Variants in MRGBP observed in about 807,000 individuals in gnomAD.
MRGBP encodes the protein MRG domain binding protein.
Under a neutral mutation model 21.5 loss-of-function variants are expected in MRGBP, and 5 were observed. The ratio of observed to expected loss-of-function variants is 0.23; its 90% CI spans 0.12 to 0.49. The LOEUF is 0.49. Among genes scored for constraint, MRGBP ranks in the 20% least tolerant of loss-of-function variants. The pLI is 0.98. For synonymous variants in MRGBP, 118 were observed against 104.4 expected (o/e 1.13, Z -0.79); for missense variants, 227 against 277.4 (o/e 0.82, Z 1.29).
At position 62,799,950 on chromosome 20, in the gene MRGBP, A is replaced by G. The variant is rs1990421978; in HGVS notation, c.*307A>G. ...GGCTTCCCCGTGGCTGCTTGGTGACATGGATTAGCGCTACGTGGGCTGCAG... is the reference window on the plus strand; with the variant it reads ...GGCTTCCCCGTGGCTGCTTGGTGACGTGGATTAGCGCTACGTGGGCTGCAG... On this transcript the variant is annotated 3_prime_UTR_variant, in exon 5 of 5. Transcript: ENST00000370487. 3 of 328,258 alleles carry G rather than the reference A, an allele frequency of 9.1e-6. No individual in the cohort carries two copies. The highest frequency in any genetic ancestry group is 4.9e-5 in the East Asian group (1 of 20,226). The allele number at this position is 328,258 out of a possible 1,614,324, so 20.3% of individuals were successfully genotyped here.
rs1430489572 is a variant in MRGBP at position 62,800,318 on chromosome 20, G to C, written c.*675G>C. ...AATTTTTAAGAAGCCTATTTTACTA[G>C]TGTTTTATATGAACAAAGTACTGCA... On this transcript the variant is annotated 3_prime_UTR_variant, in exon 5 of 5. Coordinates refer to ENST00000370487, the MANE Select transcript of MRGBP (RefSeq NM_018270.6). 6.6e-6 allele frequency: 1 copy of C among 152,534 alleles called. No individual in the cohort carries two copies. The highest frequency in any genetic ancestry group is 2.4e-5 in the African/African-American group (1 of 41,434). 9.4% of individuals were successfully genotyped at this position (152,534 alleles called of 1,614,324 possible).
In MRGBP at chr20:62,799,837, G is replaced by A. The variant is rs771060065; in HGVS notation, c.*194G>A. 1.7e-6 allele frequency: 1 copy of A among 589,766 alleles called. No homozygotes were observed. Among genetic ancestry groups the A allele is most frequent in the Non-Finnish European group, 2.9e-6 (1 of 340,186 alleles). 36.5% of individuals were successfully genotyped at this position (589,766 alleles called of 1,614,324 possible). On this transcript the variant is annotated 3_prime_UTR_variant, in exon 5 of 5. Transcript: ENST00000370487. ...CGTGTGTGTCAGTTGGACCATGTGG[G>A]ACCCTGATGGACCTGAAAGACCAGG... is the stretch of plus-strand genomic sequence containing the variant.
At chr20:62,799,192 C>A in intron 4 of MRGBP, 143 bp downstream of exon 4, 1 of 897,228 alleles carries the variant, frequency 1.1e-6, no homozygotes, top group Non-Finnish European at 1.7e-6. Context: ...ATGGATCCTG[C>A]AGTGCCCCCT....
rs1353807550 is a variant in MRGBP, at chr20:62,796,597, C to G, written c.74C>G (p.Ala25Gly). The change falls in exon 1 of 5, where the codon GCG becomes GGG. Residue 25 changes from alanine (A) to glycine (G), a missense_variant. Around this residue, in one of 2 missense-constraint regions of MRGBP, gnomAD observed 65 missense variants for 49.7 expected, o/e 1.31. Coordinates refer to ENST00000370487, the MANE Select transcript of MRGBP (RefSeq NM_018270.6). ...CCGGGGGAGGCGGCCACCAGCCCGGCGGAGGAGACAGTGGTGTGGAGCCCC... is the reference window on the plus strand; with the variant it reads ...CCGGGGGAGGCGGCCACCAGCCCGGGGGAGGAGACAGTGGTGTGGAGCCCC... ...KGPGEAATSP[A>G]EETVVWSPEV... is the part of the protein sequence containing the mutation. The G allele has an allele frequency of 1.6e-6, 2 of 1,287,258 alleles. No homozygotes were observed. The highest frequency in any genetic ancestry group is 4.4e-5 in the South Asian group (2 of 45,040). 79.7% of individuals were successfully genotyped at this position (1,287,258 alleles called of 1,614,324 possible). A position where few individuals can be genotyped will look rare whatever the true frequency, so the allele number is the denominator to read the frequency against.
rs1446381458 is a variant in MRGBP at position 62,800,914 on chromosome 20, C to G, written c.*1271C>G. On this transcript the variant is annotated 3_prime_UTR_variant, in exon 5 of 5. Transcript: ENST00000370487. ...GGGTCACAGAGTGAAATCCAGCGTTCCGTGTGCGGACGAGGAGACAAGCTG... is the reference window on the plus strand; with the variant it reads ...GGGTCACAGAGTGAAATCCAGCGTTGCGTGTGCGGACGAGGAGACAAGCTG... 6.6e-6 allele frequency: 1 copy of G among 152,160 alleles called. No homozygotes were observed. Among genetic ancestry groups the G allele is most frequent in the Non-Finnish European group, 1.5e-5 (1 of 68,036 alleles). 9.4% of individuals were successfully genotyped at this position (152,160 alleles called of 1,614,324 possible). A position where few individuals can be genotyped will look rare whatever the true frequency, so the allele number is the denominator to read the frequency against.
chr20:62,797,373 C>G, intron 2 of MRGBP, 142 bp downstream of exon 2: 1 of 1,185,498 alleles, frequency 8.4e-7, no homozygotes, highest in Non-Finnish European at 1.1e-6. Context: ...TCCATGCCTG[C>G]TGGGGTCTGC....
chr20:62,797,336 G>T, intron 2 of MRGBP, 105 bp downstream of exon 2: 1 of 1,414,536 alleles, frequency 7.1e-7, no homozygotes, highest in South Asian at 1.5e-5. Flanking sequence ...ATGTCTGCTG[G>T]GGTCTGCTGG....
intron 2 of MRGBP, 138 bp downstream of exon 2, chr20:62,797,369 C>T (rs886254028): frequency 4.1e-6 from 5 of 1,208,832 alleles, no homozygotes; most frequent in Non-Finnish European, 5.5e-6. Flanking sequence ...CCCCTCCATG[C>T]CTGCTGGGGT....
At chr20:62,798,313 C>T (rs6062366) in intron 2 of MRGBP, among the ~76,000 whole-genome samples, 1 of 152,222 alleles carries the variant, frequency 6.6e-6, no homozygotes, top group Non-Finnish European at 1.5e-5. Context: ...CAGGGCCCGC[C>T]TTAGTGATGC....
intron 2 of MRGBP, among the ~76,000 whole-genome samples, chr20:62,798,339 T>C (rs2147175000): frequency 6.6e-6 from 1 of 152,320 alleles, no homozygotes; most frequent in South Asian, 2.1e-4. Flanking sequence ...CCGGTGGGTC[T>C]TCCTGACTCC....
intron 2 of MRGBP, 148 bp downstream of exon 2, chr20:62,797,379 T>C: frequency 8.7e-7 from 1 of 1,147,014 alleles, no homozygotes; most frequent in Non-Finnish European, 1.2e-6. Context: ...CCTGCTGGGG[T>C]CTGCAGTGAG....
chr20:62,798,643 A>G lies in MRGBP; in HGVS notation c.327A>G (p.Glu109=), dbSNP rs371948410. ...CAGAGAGGAACTTCGTCCTTCCAGAAGAGATCATTCAGGAGGTCCGAGAAG... is the reference window on the plus strand; with the variant it reads ...CAGAGAGGAACTTCGTCCTTCCAGAGGAGATCATTCAGGAGGTCCGAGAAG... ...PNPERNFVLP[E]EIIQEVREGK... Residue 109 remains glutamate, a synonymous_variant, in exon 3 of 5, where the codon GAA becomes GAG. Coordinates refer to ENST00000370487, the MANE Select transcript of MRGBP (RefSeq NM_018270.6). 6.2e-7 allele frequency: 1 copy of G among 1,612,846 alleles called. No individual in the cohort carries two copies. The highest frequency in any genetic ancestry group is 2.2e-5 in the East Asian group (1 of 44,846).
chr20:62,798,653 C>G lies in MRGBP; in HGVS notation c.337C>G (p.Gln113Glu). 1 of 1,613,798 alleles carries G rather than the reference C, an allele frequency of 6.2e-7. No homozygotes were observed. The highest frequency in any genetic ancestry group is 8.5e-7 in the Non-Finnish European group (1 of 1,179,892). ...CTTCGTCCTTCCAGAAGAGATCATT[C>G]AGGAGGTCCGAGAAGGTGAGGCTCG... ...RNFVLPEEII[Q>E]EVREGKVMIE... Residue 113 changes from glutamine (Q) to glutamate (E), a missense_variant, in exon 3 of 5, where the codon CAG becomes GAG. Transcript: ENST00000370487.
In MRGBP at chr20:62,800,749, T is replaced by C. The variant is rs1990441735; in HGVS notation, c.*1106T>C. On this transcript the variant is annotated 3_prime_UTR_variant, in exon 5 of 5. Transcript: ENST00000370487. ...AAACAAAATAGTAACAGATTCTGAG[T>C]GGTTATTTTGTGGACTGTGACAAGC... 6.6e-6 allele frequency: 1 copy of C among 152,196 alleles called. No homozygotes were observed. The highest frequency in any genetic ancestry group is 1.5e-5 in the Non-Finnish European group (1 of 68,040). 9.4% of individuals were successfully genotyped at this position (152,196 alleles called of 1,614,324 possible).
chr20:62,798,566 A>G, intron 2 of MRGBP, 21 bp from the exon 3 acceptor site: 1 of 1,606,010 alleles, frequency 6.2e-7, no homozygotes, highest in Non-Finnish European at 8.5e-7. Context: ...TTCTTAAACA[A>G]AACTCTCTAT....
At chr20:62,798,459 C>T (rs1376997177) in intron 2 of MRGBP, 128 bp from the exon 3 acceptor site, 4 of 744,342 alleles carry the variant, frequency 5.4e-6, no homozygotes, top group South Asian at 1.5e-5. Flanking sequence ...CCCCGCCCGC[C>T]GCAGCCTCCA....
intron 2 of MRGBP, among the ~76,000 whole-genome samples, chr20:62,797,484 G>T (rs945595796): frequency 2.0e-5 from 3 of 152,224 alleles, no homozygotes; most frequent in Admixed American, 6.5e-5. Flanking sequence ...CCTTAAGGAG[G>T]ACATCCCGGG....
chr20:62,796,801 C>A, intron 1 of MRGBP, 130 bp downstream of exon 1: 8 of 969,306 alleles, frequency 8.3e-6, no homozygotes, highest in Non-Finnish European at 9.0e-6. Flanking sequence ...CGCCGCCACA[C>A]CCGTCCCGGG....
At chr20:62,798,702 G>A (rs6011385) in intron 3 of MRGBP, 34 bp downstream of exon 3, 3 of 1,609,412 alleles carry the variant, frequency 1.9e-6, no homozygotes, top group South Asian at 2.2e-5. Flanking sequence ...TTGGGATTCA[G>A]AAAAGGCCAG....
Sources: allele counts gnomAD v4.1 joint callset (sites outside exome capture counted in the v4.1 genomes callset), GRCh38; gene constraint gnomAD v4.1.1; regional missense constraint gnomAD v4.1.1; transcripts MANE v1.5; gene names NCBI Gene and HGNC (gene_info 2026-07-23, HGNC 2026-07-21).